C2CD2: variants seen among roughly 807,000 people sequenced by gnomAD.
C2CD2 encodes the protein C2 calcium dependent domain containing 2.
A neutral mutation model predicts 74.3 loss-of-function variants in C2CD2; 43 were observed. The observed-to-expected ratio is 0.58, with a 90% CI of 0.45 to 0.75. The LOEUF (loss-of-function observed/expected upper bound fraction) is 0.75. Ranked by LOEUF, C2CD2 falls within the 30% of genes least tolerant of loss-of-function variation. The pLI is 0.00. For synonymous variants in C2CD2, 422 were observed against 390.7 expected (o/e 1.08, Z -0.94); for missense variants, 801 against 916.3 (o/e 0.87, Z 1.63).
At chr21:41,912,635 C>A (rs1371212163) in intron 6 of C2CD2, among the ~76,000 whole-genome samples, 195 bp from the exon 7 acceptor site, 1 of 152,054 alleles carries the variant, frequency 6.6e-6, no homozygotes, top group African/African-American at 2.4e-5. Flanking sequence ...GGATTACAGG[C>A]GCACGCCTCC....
At chr21:41,941,651 G>A (rs2065355255) in intron 2 of C2CD2, among the ~76,000 whole-genome samples, 1 of 152,092 alleles carries the variant, frequency 6.6e-6, no homozygotes, top group Non-Finnish European at 1.5e-5. Flanking sequence ...ACAAATCAAT[G>A]GTTTTAAATA....
Position 41,953,664 on chromosome 21 carries a change from C to T in C2CD2, c.-16G>A. 2 of 1,395,472 alleles carry T rather than the reference C, an allele frequency of 1.4e-6. No individual in the cohort carries two copies. Among genetic ancestry groups the T allele is most frequent in the Non-Finnish European group, 1.9e-6 (2 of 1,079,550 alleles). The allele number at this position is 1,395,472 out of a possible 1,614,324, so 86.4% of individuals were successfully genotyped here. ...CCATGGCCATGGCGCATCCCCGGCC[C>T]GCCTCGCCCCAACTTCCCCGGCAGC... On this transcript the variant is annotated 5_prime_UTR_variant, in exon 1 of 14. Coordinates refer to ENST00000380486, the MANE Select transcript of C2CD2 (RefSeq NM_015500.2).
In C2CD2 at chr21:41,922,131, G is replaced by C; in HGVS notation, c.379-46C>G. ...GGAGAAAACTGTATCCAAAACAAAG[G>C]ACAGCGCGTGCATACGCATCTTCTT... On this transcript the variant is annotated intron_variant, in intron 2 of 13. Coordinates refer to ENST00000380486, the MANE Select transcript of C2CD2 (RefSeq NM_015500.2). 2.7e-6 allele frequency: 3 copies of C among 1,106,704 alleles called. No individual in the cohort carries two copies. In the South Asian group the frequency reaches 3.8e-5, roughly 14 times the overall value. The allele number at this position is 1,106,704 out of a possible 1,614,324, so 68.6% of individuals were successfully genotyped here.
chr21:41,932,076 C>T (rs2065267454), intron 2 of C2CD2, among the ~76,000 whole-genome samples: 1 of 148,280 alleles, frequency 6.7e-6, no homozygotes, highest in South Asian at 2.2e-4. Flanking sequence ...CCCACCACTC[C>T]ACCTCCAGGG....
chr21:41,944,793 TA>T (rs2065385399), intron 1 of C2CD2, among the ~76,000 whole-genome samples: 1 of 151,952 alleles, frequency 6.6e-6, no homozygotes, highest in Non-Finnish European at 1.5e-5. Flanking sequence ...TGTGTCCACA[TA>T]GAAAAAGAAA....
At chr21:41,951,582 C>T (rs530008806) in intron 1 of C2CD2, among the ~76,000 whole-genome samples, 96 of 152,246 alleles carry the variant, frequency 6.3e-4, no homozygotes, top group African/African-American at 2.3e-3. Context: ...AGGTGAGACC[C>T]TCTCTCCTCT....
rs1241381669 is a variant in C2CD2, at chr21:41,888,218, T to C, written c.*906A>G. 1 of 152,634 alleles carries C rather than the reference T, an allele frequency of 6.6e-6. No individual in the cohort carries two copies. The highest frequency in any genetic ancestry group is 1.5e-5 in the Non-Finnish European group (1 of 68,038). The allele number at this position is 152,634 out of a possible 1,614,324, so 9.5% of individuals were successfully genotyped here. ...CTTTGTTTTGGCTACTGGCAGCACT[T>C]GGCAAAATCCATGTATGTGTTTGGT... On this transcript the variant is annotated 3_prime_UTR_variant, in exon 14 of 14. Coordinates refer to ENST00000380486, the MANE Select transcript of C2CD2 (RefSeq NM_015500.2).
At position 41,899,152 on chromosome 21, in the gene C2CD2, C is replaced by T. The variant is rs1434174825; in HGVS notation, c.1771G>A (p.Ala591Thr). The T allele has an allele frequency of 7.4e-6, 12 of 1,613,486 alleles. No individual in the cohort carries two copies. The highest frequency in any genetic ancestry group is 1.3e-5 in the African/African-American group (1 of 74,906). The part of the protein sequence containing the change: ...SWDLEKEPQA[A>T]AWSSQVLLDP... The stretch of plus-strand genomic sequence containing the variant: ...AGCAGGACCTGGCTGCTCCATGCCG[C>T]GGCCTGTGGCTCCTTCTCCAAGTCC... The change falls in exon 13 of 14, where the codon GCG (alanine) becomes ACG (threonine). Residue 591 changes from alanine (A) to threonine (T), a missense_variant. Ala to Thr is a moderately conservative substitution (Grantham distance 58). Transcript: ENST00000380486. This position sits in a 1 kb window ranked among gnomAD's most constrained non-coding sequence, Gnocchi z 4.4.
intron 1 of C2CD2, among the ~76,000 whole-genome samples, chr21:41,946,889 T>C (rs2065401960): frequency 6.6e-6 from 1 of 151,978 alleles, no homozygotes; most frequent in African/African-American, 2.4e-5. Context: ...TCAACAGTCT[T>C]TAGTTATCAA....
intron 7 of C2CD2, among the ~76,000 whole-genome samples, chr21:41,911,115 A>T (rs2146176171): frequency 6.6e-6 from 1 of 152,296 alleles, no homozygotes; most frequent in South Asian, 2.1e-4. Context: ...GCTCTAATTA[A>T]GTTTTTAAAA....
At chr21:41,942,366 CTG>C in intron 1 of C2CD2, 121 bp from the exon 2 acceptor site, 1 of 750,806 alleles carries the variant, frequency 1.3e-6, no homozygotes, top group Non-Finnish European at 2.2e-6. Flanking sequence ...TCTGTGAACT[CTG>C]TGCTTCTAAT....
At position 41,923,826 on chromosome 21, in the gene C2CD2, C is replaced by T. The variant is rs1167329546; in HGVS notation, c.379-1741G>A. On this transcript the variant is annotated intron_variant, in intron 2 of 13. Transcript: ENST00000380486. This position sits in a 1 kb window ranked among gnomAD's most constrained non-coding sequence, Gnocchi z 5.8. Reference sequence around the variant, plus strand: ...AGAGGTCAGACCCCTCCCCGCTCCCCTCCCGGGGGCAGAGGGCCAAGCAGA... The same window carrying T: ...AGAGGTCAGACCCCTCCCCGCTCCCTTCCCGGGGGCAGAGGGCCAAGCAGA... Among the ~76,000 whole-genome samples the T allele has an allele frequency of 6.6e-6, 1 of 152,172 alleles. No homozygotes were observed. The highest frequency in any genetic ancestry group is 1.9e-4 in the East Asian group (1 of 5,182).
chr21:41,915,946 GCTGAAAACTGGGTGCTGATTTGA>G (rs1435390529), intron 5 of C2CD2, among the ~76,000 whole-genome samples: 1 of 152,186 alleles, frequency 6.6e-6, no homozygotes, highest in African/African-American at 2.4e-5. Flanking sequence ...TTCAGGCAGA[GCTGAAAACTGGGTGCTGATTTGA>G]CTGAGCACTG....
rs1160032682 is a variant in C2CD2 at position 41,896,414 on chromosome 21, GT to G, written c.1870+2638del. ...TTGGCAAGGTTTCTTACTGTTCCAA[GT>G]TTTTTTTCCGAAAACCTCCCTTGAA... On this transcript the variant is annotated intron_variant, in intron 13 of 13. Transcript: ENST00000380486. Among the ~76,000 whole-genome samples the G allele has an allele frequency of 3.3e-5, 5 of 152,022 alleles. No homozygotes were observed. In the East Asian group the frequency reaches 5.8e-4, roughly 18 times the overall value.
At chr21:41,915,246 A>C (rs1398663916) in intron 5 of C2CD2, among the ~76,000 whole-genome samples, 1 of 152,182 alleles carries the variant, frequency 6.6e-6, no homozygotes. Context: ...CTAGCACTGC[A>C]CAGGTGAGGG....
In C2CD2 at chr21:41,886,240, A is replaced by AACAAAAGCCCTCAAGCC. The variant is rs2064682375; in HGVS notation, c.*2867_*2883dup. On this transcript the variant is annotated 3_prime_UTR_variant, in exon 14 of 14. Coordinates refer to ENST00000380486, the MANE Select transcript of C2CD2 (RefSeq NM_015500.2). Reference sequence around the variant, plus strand: ...AACTTTCATCCAGACAAAAGCCAAAAACAAAAGCCCTCAAGCCACAAAAGC... The same window carrying AACAAAAGCCCTCAAGCC: ...AACTTTCATCCAGACAAAAGCCAAAAACAAAAGCCCTCAAGCCACAAAAGCCCTCAAGCCACAAAAGC... The AACAAAAGCCCTCAAGCC allele has an allele frequency of 1.3e-5, 2 of 152,202 alleles. No homozygotes were observed. Among genetic ancestry groups the AACAAAAGCCCTCAAGCC allele is most frequent in the African/African-American group, 2.4e-5 (1 of 41,460 alleles). The allele number at this position is 152,202 out of a possible 1,614,324, so 9.4% of individuals were successfully genotyped here.
chr21:41,941,222 A>T (rs2065351678), intron 2 of C2CD2, among the ~76,000 whole-genome samples: 1 of 152,098 alleles, frequency 6.6e-6, no homozygotes, highest in Admixed American at 6.6e-5. Context: ...TTAGCCAGGC[A>T]CGGTGACACG....
Position 41,926,461 on chromosome 21 carries a change from G to T in C2CD2, c.379-4376C>A. ...TGGGCAGCAGATGGAAGCACCACGG[G>T]GAGGGGAAAACAAGACTGAAGGCTG... is the stretch of plus-strand genomic sequence containing the variant. On this transcript the variant is annotated intron_variant, in intron 2 of 13. Transcript: ENST00000380486. The surrounding 1 kb of genome is among the most constrained non-coding windows in gnomAD (Gnocchi z 8.0). The T allele has an allele frequency of 3.2e-6, 3 of 946,796 alleles. No individual in the cohort carries two copies. Among genetic ancestry groups the T allele is most frequent in the South Asian group, 4.9e-5 (1 of 20,462 alleles). 58.6% of individuals were successfully genotyped at this position (946,796 alleles called of 1,614,324 possible).
chr21:41,936,499 A>G (rs2065308346), intron 2 of C2CD2, among the ~76,000 whole-genome samples: 1 of 152,238 alleles, frequency 6.6e-6, no homozygotes, highest in Non-Finnish European at 1.5e-5. Context: ...GTGACAATGT[A>G]AATTATTCCG....
Sources: gnomAD v4.1 joint callset for allele counts (sites outside exome capture counted in the v4.1 genomes callset) on GRCh38, gnomAD v4.1.1 for gene constraint, Gnocchi (gnomAD v3.1) non-coding constraint, MANE v1.5 for transcripts, NCBI Gene and HGNC (gene_info 2026-07-23, HGNC 2026-07-21) for gene names.